CAST: variants seen among roughly 807,000 people sequenced by gnomAD.
CAST encodes the protein calpastatin.
In CAST, 76 loss-of-function variants were observed where a neutral mutation model predicts 119.6. The observed-to-expected ratio is 0.64, with a 90% CI of 0.53 to 0.77. The LOEUF is 0.77. Ranked by LOEUF, CAST falls within the 30% of genes least tolerant of loss-of-function variation. The pLI is 0.00. For synonymous variants in CAST, 319 were observed against 331.6 expected (o/e 0.96, Z 0.41); for missense variants, 953 against 946.5 (o/e 1.01, Z -0.09).
At chr5:96,554,780 C>A (rs530596849) in intron 1 of CAST, among the ~76,000 whole-genome samples, 1 of 152,168 alleles carries the variant, frequency 6.6e-6, no homozygotes, top group Admixed American at 6.5e-5. Flanking sequence ...GACATTTATG[C>A]AGCCAACAGA....
At chr5:96,629,292 T>C (rs1747778296) in intron 1 of CAST, among the ~76,000 whole-genome samples, 1 of 152,218 alleles carries the variant, frequency 6.6e-6, no homozygotes, top group African/African-American at 2.4e-5. Flanking sequence ...AGTGCCTTGC[T>C]CTTGGGCTTC....
At chr5:96,220,459 G>A in the CAST span, among the ~76,000 whole-genome samples, 1 of 152,180 alleles carries the variant, frequency 6.6e-6, no homozygotes, top group African/African-American at 2.4e-5. Flanking sequence ...TGTTTGTGAG[G>A]AGGAATAAAC....
At chr5:96,604,913 C>T (rs1747224502) in intron 1 of CAST, among the ~76,000 whole-genome samples, 1 of 152,186 alleles carries the variant, frequency 6.6e-6, no homozygotes, top group Non-Finnish European at 1.5e-5. Flanking sequence ...TTCAGTGCTG[C>T]CTTGCCACTT....
At chr5:96,663,048 G>C in intron 1 of CAST, 1 of 699,918 alleles carries the variant, frequency 1.4e-6, no homozygotes. Context: ...TCCCGGCCAA[G>C]CGGAGTGTGA....
the CAST span, among the ~76,000 whole-genome samples, chr5:96,049,239 G>A: frequency 2.0e-5 from 3 of 152,146 alleles, no homozygotes; most frequent in Non-Finnish European, 2.9e-5. Flanking sequence ...AAAAAAAGAA[G>A]AGCTGATTTT....
chr5:96,098,045 T>A, the CAST span, among the ~76,000 whole-genome samples: 25 of 152,256 alleles, frequency 1.6e-4, no homozygotes, highest in African/African-American at 5.8e-4. Context: ...AGATGGTATC[T>A]CCTTGTGGTT....
intron 1 of CAST, among the ~76,000 whole-genome samples, chr5:96,551,623 C>T (rs1746127701): frequency 6.6e-6 from 1 of 151,562 alleles, no homozygotes; most frequent in Non-Finnish European, 1.5e-5. Flanking sequence ...CAAAGACTGG[C>T]AAATTGGATA....
At chr5:96,072,506 A>T in the CAST span, among the ~76,000 whole-genome samples, 2 of 152,190 alleles carry the variant, frequency 1.3e-5, no homozygotes, top group African/African-American at 4.8e-5. Flanking sequence ...ATCAACTAAG[A>T]TGTAAACTGC....
At chr5:96,150,684 A>T in the CAST span, among the ~76,000 whole-genome samples, 1 of 152,124 alleles carries the variant, frequency 6.6e-6, no homozygotes, top group Non-Finnish European at 1.5e-5. Context: ...TAAGAGGGAG[A>T]AACTACGGAG....
the CAST span, among the ~76,000 whole-genome samples, chr5:96,154,470 T>C: frequency 6.6e-6 from 1 of 152,208 alleles, no homozygotes; most frequent in South Asian, 2.1e-4. Context: ...GTTTTCCCTA[T>C]TGGTAACATC....
At chr5:96,083,019 G>A in the CAST span, among the ~76,000 whole-genome samples, 2,227 of 152,304 alleles carry the variant, frequency 0.015, 44 homozygotes, top group African/African-American at 0.05. Flanking sequence ...TTCACTCAGT[G>A]TTCTCCATAG....
At chr5:96,545,487 A>T (rs901018858) in intron 1 of CAST, among the ~76,000 whole-genome samples, 12 of 152,094 alleles carry the variant, frequency 7.9e-5, no homozygotes, top group East Asian at 3.9e-4. Context: ...CATATACTGA[A>T]TTTTTTTCAT....
chr5:96,682,080 T>C (rs1751497204), intron 2 of CAST, among the ~76,000 whole-genome samples: 1 of 152,220 alleles, frequency 6.6e-6, no homozygotes, highest in Non-Finnish European at 1.5e-5. Flanking sequence ...AATTAAACTT[T>C]ATTATAGGTA....
chr5:96,540,500 C>T (rs1316318095), intron 1 of CAST, among the ~76,000 whole-genome samples: 3 of 152,096 alleles, frequency 2.0e-5, no homozygotes, highest in Admixed American at 6.5e-5. Context: ...GTACAGAAAG[C>T]TCTCATATAT....
At chr5:96,322,679 A>G in the CAST span, among the ~76,000 whole-genome samples, 17 of 152,266 alleles carry the variant, frequency 1.1e-4, no homozygotes, top group Non-Finnish European at 2.1e-4. Flanking sequence ...CAGGGGCAGA[A>G]ACTTTGAAAG....
At chr5:96,438,752 T>G in the CAST span, among the ~76,000 whole-genome samples, 1 of 152,208 alleles carries the variant, frequency 6.6e-6, no homozygotes, top group African/African-American at 2.4e-5. Flanking sequence ...TTCTCCACTG[T>G]AAAGTTACTA....
intron 1 of CAST, among the ~76,000 whole-genome samples, chr5:96,619,633 C>G (rs566497644): frequency 4.5e-4 from 69 of 152,298 alleles, no homozygotes; most frequent in African/African-American, 1.6e-3. Flanking sequence ...CTGCGAAGGT[C>G]TACAGCTTCA....
chr5:96,723,514 C>G (rs954427481), intron 4 of CAST, among the ~76,000 whole-genome samples: 1 of 151,830 alleles, frequency 6.6e-6, no homozygotes, highest in African/African-American at 2.4e-5. Flanking sequence ...TTGTGGGGTA[C>G]CATTTTATTG....
At chr5:96,405,938 A>G in the CAST span, among the ~76,000 whole-genome samples, 1 of 152,286 alleles carries the variant, frequency 6.6e-6, no homozygotes, top group African/African-American at 2.4e-5. Flanking sequence ...AAATTTTAAG[A>G]TTGCTTTCTT....
Sources: gnomAD v4.1 joint callset for allele counts (sites outside exome capture counted in the v4.1 genomes callset) on GRCh38, gnomAD v4.1.1 for gene constraint, MANE v1.5 for transcripts, NCBI Gene and HGNC (gene_info 2026-07-23, HGNC 2026-07-21) for gene names.